Variants in SLC4A4 observed in about 807,000 individuals in gnomAD.
SLC4A4 encodes the protein solute carrier family 4 member 4.
Under a neutral mutation model 111.5 loss-of-function variants are expected in SLC4A4, and 27 were observed. The ratio of observed to expected loss-of-function variants is 0.24; its 90% CI spans 0.18 to 0.33. The LOEUF (loss-of-function observed/expected upper bound fraction) is 0.33. Ranked by LOEUF, SLC4A4 falls within the 10% of genes least tolerant of loss-of-function variation. The pLI is 1.00. For missense variants in SLC4A4, 909 were observed against 1,315.5 expected, an observed-to-expected ratio of 0.69 and a Z score of 4.78; for synonymous variants, 443 against 463.4, an observed-to-expected ratio of 0.96 and a Z score of 0.57.
chr4:71,358,758 G>A (rs1258231797), intron 6 of SLC4A4, among the ~76,000 whole-genome samples: 5 of 151,878 alleles, frequency 3.3e-5, no homozygotes, highest in Non-Finnish European at 7.4e-5. Flanking sequence ...TTACTTAATG[G>A]CTAGAAAGTT....
intron 6 of SLC4A4, among the ~76,000 whole-genome samples, chr4:71,389,171 A>G (rs1440727773): frequency 4.6e-5 from 7 of 152,216 alleles, no homozygotes; most frequent in Non-Finnish European, 8.8e-5. Context: ...AATAGTATTT[A>G]TGAAGCCTAA....
At position 71,255,328 on chromosome 4, in the gene SLC4A4, C is replaced by T. The variant is rs1256170026; in HGVS notation, c.182C>T (p.Ser61Phe). 2.5e-6 allele frequency: 4 copies of T among 1,613,466 alleles called. No homozygotes were observed. Among genetic ancestry groups the T allele is most frequent in the Non-Finnish European group, 3.4e-6 (4 of 1,179,646 alleles). ...HKEKKEKERISENYSDKSDIE... is the reference protein window; with the variant it reads ...HKEKKEKERIFENYSDKSDIE... ...GAAAAGAAGGAAAAGGAGAGAATCT[C>T]TGAGAACTACTCTGACAAATCAGAT... Residue 61 changes from serine to phenylalanine, a missense_variant, in exon 3 of 26, where the codon TCT becomes TTT. Transcript: ENST00000264485.
At chr4:71,401,279 T>TA (rs1323294490) in intron 7 of SLC4A4, among the ~76,000 whole-genome samples, 1 of 152,232 alleles carries the variant, frequency 6.6e-6, no homozygotes, top group Non-Finnish European at 1.5e-5. Flanking sequence ...CCTATGTGCT[T>TA]ACGATTTCAG....
At position 71,489,533 on chromosome 4, in the gene SLC4A4, T is replaced by A. The variant is rs138383558; in HGVS notation, c.1974+2515T>A. Among the ~76,000 whole-genome samples, 526 of 151,880 alleles carry A rather than the reference T, an allele frequency of 3.5e-3. 4 individuals carry two copies. The highest frequency in any genetic ancestry group is 0.012 in the African/African-American group (504 of 41,502). ...GCATAATGGATGGCATGTAGTCATCTCTCAGTCAGTGTTAGGTATTGTTAC... is the reference window on the plus strand; with the variant it reads ...GCATAATGGATGGCATGTAGTCATCACTCAGTCAGTGTTAGGTATTGTTAC... On this transcript the variant is annotated intron_variant, in intron 15 of 25. Coordinates refer to ENST00000264485, the MANE Select transcript of SLC4A4 (RefSeq NM_001098484.3).
Position 71,366,315 on chromosome 4 carries a change from T to TTGTGTGTGTGTGTGTG in SLC4A4, c.730+9154_730+9169dup, listed in dbSNP as rs71673473. Among the ~76,000 whole-genome samples, 659 of 137,968 alleles carry TTGTGTGTGTGTGTGTG rather than the reference T, an allele frequency of 4.8e-3. 5 individuals are homozygous for TTGTGTGTGTGTGTGTG. Among genetic ancestry groups the TTGTGTGTGTGTGTGTG allele is most frequent in the Non-Finnish European group, 6.7e-3 (430 of 64,228 alleles). 90.5% of individuals were successfully genotyped at this position (137,968 alleles called of 152,430 possible). ...AAAAAAAGCATTTTTTCTGGAGATA[T>TTGTGTGTGTGTGTGTG]TGTGTGTGTGTGTGTGTGTGTGTGT... On this transcript the variant is annotated intron_variant, in intron 6 of 25. Coordinates refer to ENST00000264485, the MANE Select transcript of SLC4A4 (RefSeq NM_001098484.3).
In SLC4A4 at chr4:71,330,253, T is replaced by A. The variant is rs28862345; in HGVS notation, c.254-9117T>A. On this transcript the variant is annotated intron_variant, in intron 3 of 25. Coordinates refer to ENST00000264485, the MANE Select transcript of SLC4A4 (RefSeq NM_001098484.3). ...TTTTTGCATCAGTGTTCATTAAGGATATTGGCCTGTAGTTTTCCTTTTCTG... is the reference window on the plus strand; with the variant it reads ...TTTTTGCATCAGTGTTCATTAAGGAAATTGGCCTGTAGTTTTCCTTTTCTG... Among the ~76,000 whole-genome samples the A allele has an allele frequency of 4.4e-3, 667 of 152,316 alleles. 7 individuals carry two copies. Among genetic ancestry groups the A allele is most frequent in the Middle Eastern group, 0.017 (5 of 294 alleles).
At chr4:71,486,649 A>G (rs1266621907) in intron 14 of SLC4A4, among the ~76,000 whole-genome samples, 1 of 144,686 alleles carries the variant, frequency 6.9e-6, no homozygotes, top group Admixed American at 7.1e-5. Context: ...AGTACCTTGT[A>G]GTATCAGGGA....
At chr4:71,168,259 G>T (rs547790300) in intron 2 of SLC4A4, among the ~76,000 whole-genome samples, 1 of 140,120 alleles carries the variant, frequency 7.1e-6, no homozygotes, top group Non-Finnish European at 1.5e-5. Context: ...TCGGTTCACC[G>T]TAACCTCCGC....
intron 3 of SLC4A4, among the ~76,000 whole-genome samples, chr4:71,318,121 T>C (rs567068889): frequency 1.3e-5 from 2 of 151,964 alleles, no homozygotes; most frequent in East Asian, 1.9e-4. Flanking sequence ...TAATGGAAAA[T>C]AGAAGTATAA....
Position 71,542,663 on chromosome 4 carries a change from C to A in SLC4A4, c.2443-3687C>A, listed in dbSNP as rs10012326. ...ATTTTAGAACTCAACCTAAATACTA[C>A]CCCCATGCAAACCATCCCTGACTTT... On this transcript the variant is annotated intron_variant, in intron 18 of 25. Transcript: ENST00000264485. Among the ~76,000 whole-genome samples the A allele has an allele frequency of 5.6e-3, 850 of 152,172 alleles. 14 individuals carry two copies. Among genetic ancestry groups the A allele is most frequent in the African/African-American group, 0.019 (808 of 41,546 alleles).
chr4:71,327,929 A>G, intron 3 of SLC4A4, among the ~76,000 whole-genome samples: 1 of 151,942 alleles, frequency 6.6e-6, no homozygotes, highest in Non-Finnish European at 1.5e-5. Flanking sequence ...GGCCTTATTT[A>G]TTCTAACTAT....
intron 11 of SLC4A4, 117 bp from the exon 12 acceptor site, chr4:71,453,378 C>G (rs779723412): frequency 2.4e-4 from 246 of 1,039,030 alleles, no homozygotes; most frequent in Non-Finnish European, 3.4e-4. Flanking sequence ...TAAGTAGTAT[C>G]TTGTCACTGA....
intron 2 of SLC4A4, among the ~76,000 whole-genome samples, chr4:71,144,554 C>A (rs1447218580): frequency 1.3e-5 from 2 of 151,614 alleles, no homozygotes; most frequent in Non-Finnish European, 2.9e-5. Context: ...GCCATTTTCA[C>A]GATATTGATT....
intron 20 of SLC4A4, among the ~76,000 whole-genome samples, chr4:71,551,454 C>T (rs7676587): frequency 1.6e-4 from 25 of 151,768 alleles, no homozygotes; most frequent in East Asian, 9.8e-4. Context: ...TTATTGAGCT[C>T]GGCATTTGAT....
intron 1 of SLC4A4, among the ~76,000 whole-genome samples, chr4:71,200,147 G>C (rs1167506082): frequency 1.3e-5 from 2 of 152,136 alleles, no homozygotes; most frequent in Non-Finnish European, 2.9e-5. Context: ...GGGGTGGGAT[G>C]ATGTGAAAGC....
chr4:71,443,300 G>T (rs1288663559), intron 8 of SLC4A4, among the ~76,000 whole-genome samples: 2 of 151,286 alleles, frequency 1.3e-5, no homozygotes, highest in African/African-American at 4.9e-5. Flanking sequence ...ACAGGCACCT[G>T]CCACCACACC....
chr4:71,545,916 C>T (rs535725207), intron 18 of SLC4A4, among the ~76,000 whole-genome samples: 1 of 152,146 alleles, frequency 6.6e-6, no homozygotes, highest in South Asian at 2.1e-4. Flanking sequence ...GCCGCTATCA[C>T]CATTTATTAA....
chr4:71,292,642 G>C (rs968737123), intron 3 of SLC4A4, among the ~76,000 whole-genome samples: 16 of 152,022 alleles, frequency 1.1e-4, no homozygotes, highest in African/African-American at 3.9e-4. Context: ...ATTGATACCT[G>C]ACTATGATAT....
At chr4:71,346,862 A>G (rs921218945) in intron 4 of SLC4A4, among the ~76,000 whole-genome samples, 3 of 152,170 alleles carry the variant, frequency 2.0e-5, no homozygotes, top group African/African-American at 7.2e-5. Flanking sequence ...GCAATTTAAT[A>G]GGCATTTTTC....
Sources: allele counts gnomAD v4.1 joint callset (sites outside exome capture counted in the v4.1 genomes callset), GRCh38; gene constraint gnomAD v4.1.1; transcripts MANE v1.5; gene names NCBI Gene and HGNC (gene_info 2026-07-23, HGNC 2026-07-21).